CADM2: variants seen among roughly 807,000 people sequenced by gnomAD.
CADM2 encodes immunoglobulin superfamily member 4D.
CADM2 carries 12 observed loss-of-function variants against 49.8 expected under a neutral mutation model. The observed-to-expected ratio is 0.24, with a 90% CI of 0.15 to 0.39. The LOEUF (loss-of-function observed/expected upper bound fraction) is 0.39. Among genes scored for constraint, CADM2 ranks in the 10% least tolerant of loss-of-function variants. The probability of loss-of-function intolerance (pLI) is 1.00; values close to 1 mark genes in which losing one functional copy is unlikely to be tolerated. For missense variants in CADM2, 378 were observed against 492.3 expected (o/e 0.77, Z 2.20); for synonymous variants, 214 against 175.4 (o/e 1.22, Z -1.74).
chr3:85,131,124 AGCCAAGATCGTGCCATT>A (rs1479534274), intron 1 of CADM2, among the ~76,000 whole-genome samples: 1 of 152,170 alleles, frequency 6.6e-6, no homozygotes, highest in East Asian at 1.9e-4. Context: ...GGTAGCAGCG[AGCCAAGATCGTGCCATT>A]GCACTCCAGC....
intron 7 of CADM2, among the ~76,000 whole-genome samples, chr3:85,959,770 G>A (rs1370530115): frequency 6.6e-6 from 1 of 151,914 alleles, no homozygotes; most frequent in East Asian, 1.9e-4. Flanking sequence ...GCAGTAACAT[G>A]ATGTACAAGT....
intron 1 of CADM2, among the ~76,000 whole-genome samples, chr3:85,057,207 T>C (rs907841315): frequency 5.9e-5 from 9 of 152,088 alleles, no homozygotes; most frequent in African/African-American, 2.2e-4. Context: ...AAATACTTGG[T>C]AAAATCCAAA....
chr3:85,437,967 A>G (rs1323670640), intron 1 of CADM2, among the ~76,000 whole-genome samples: 1 of 152,062 alleles, frequency 6.6e-6, no homozygotes, highest in Non-Finnish European at 1.5e-5. Flanking sequence ...TTGTTACTTT[A>G]TTGTGCAAAG....
chr3:86,015,094 A>G (rs546197294), intron 8 of CADM2: 2 of 600,114 alleles, frequency 3.3e-6, no homozygotes, highest in Non-Finnish European at 5.9e-6. Context: ...CTTCCCACAG[A>G]TAATTCCAAA....
chr3:85,940,745 T>G (rs1424987491), intron 7 of CADM2, among the ~76,000 whole-genome samples: 1 of 152,118 alleles, frequency 6.6e-6, no homozygotes, highest in Non-Finnish European at 1.5e-5. Context: ...AGAAAGAGAA[T>G]GCAGACCTGG....
chr3:85,079,975 A>C (rs765532981), intron 1 of CADM2, among the ~76,000 whole-genome samples: 14 of 152,118 alleles, frequency 9.2e-5, no homozygotes, highest in Non-Finnish European at 1.8e-4. Context: ...GAAACCAAAA[A>C]ATGAAAAAGG....
intron 1 of CADM2, among the ~76,000 whole-genome samples, chr3:84,964,184 T>A (rs981218635): frequency 6.6e-6 from 1 of 152,196 alleles, no homozygotes; most frequent in Non-Finnish European, 1.5e-5. Flanking sequence ...TGAAAACTAT[T>A]TGTCACACAA....
intron 5 of CADM2, among the ~76,000 whole-genome samples, chr3:85,902,435 G>A (rs1716250789): frequency 6.6e-6 from 1 of 151,612 alleles, no homozygotes; most frequent in Non-Finnish European, 1.5e-5. Flanking sequence ...CCTGTAGAAA[G>A]CATATATTTT....
At chr3:85,935,898 C>A (rs1250110414) in intron 7 of CADM2, 41 bp downstream of exon 7, 9 of 1,226,236 alleles carry the variant, frequency 7.3e-6, no homozygotes, top group Non-Finnish European at 1.1e-5. Context: ...AACTTTTTTT[C>A]TTTTATCTTG....
intron 2 of CADM2, among the ~76,000 whole-genome samples, chr3:85,776,299 T>C (rs2070356788): frequency 6.6e-6 from 1 of 150,668 alleles, no homozygotes. Flanking sequence ...ATTAAAACAT[T>C]GTAAATCTTA....
intron 1 of CADM2, among the ~76,000 whole-genome samples, chr3:85,054,264 T>C (rs1576123833): frequency 6.6e-6 from 1 of 151,758 alleles, no homozygotes; most frequent in Admixed American, 6.6e-5. Context: ...GTGTGAGCGA[T>C]GGGAATTATT....
At chr3:85,779,822 T>C (rs2107988380) in intron 2 of CADM2, among the ~76,000 whole-genome samples, 1 of 152,302 alleles carries the variant, frequency 6.6e-6, no homozygotes, top group South Asian at 2.1e-4. Context: ...TATTATTCAA[T>C]GAAAAACTGA....
intron 1 of CADM2, among the ~76,000 whole-genome samples, chr3:85,296,608 C>T (rs181004753): frequency 1.0e-3 from 154 of 152,120 alleles, no homozygotes; most frequent in Middle Eastern, 3.4e-3. Flanking sequence ...CTTAGAGTCT[C>T]ACTCCTTAAT....
At chr3:85,540,602 G>T (rs2061516006) in intron 1 of CADM2, among the ~76,000 whole-genome samples, 1 of 152,080 alleles carries the variant, frequency 6.6e-6, no homozygotes, top group African/African-American at 2.4e-5. Context: ...CTGTACTCTA[G>T]TACAAACTCT....
Position 85,659,896 on chromosome 3 carries a change from G to A in CADM2, c.62-66626G>A, listed in dbSNP as rs138055015. On this transcript the variant is annotated intron_variant, in intron 1 of 9. Coordinates refer to ENST00000383699, the MANE Select transcript of CADM2 (RefSeq NM_001167675.2). ...CACAAGGTGTGCACCAAATCCAGCT[G>A]TGGATGTATTTAGCCAGCGCAAGAC... is the stretch of plus-strand genomic sequence containing the variant. 5.7e-3 allele frequency among the ~76,000 whole-genome samples: 866 copies of A among 152,246 alleles called. 5 individuals carry two copies. Among genetic ancestry groups the A allele is most frequent in the Non-Finnish European group, 9.6e-3 (653 of 67,998 alleles).
intron 2 of CADM2, among the ~76,000 whole-genome samples, chr3:85,776,608 T>C (rs1266554587): frequency 6.6e-6 from 1 of 152,082 alleles, no homozygotes; most frequent in Admixed American, 6.6e-5. Context: ...GTATTACTTA[T>C]CTTTATTTAT....
chr3:85,091,415 C>T (rs544745398), intron 1 of CADM2, among the ~76,000 whole-genome samples: 17 of 151,822 alleles, frequency 1.1e-4, no homozygotes, highest in African/African-American at 3.1e-4. Flanking sequence ...ATTAAACATA[C>T]GAAGTATAAT....
At chr3:85,539,337 A>G (rs1304110419) in intron 1 of CADM2, among the ~76,000 whole-genome samples, 1 of 152,116 alleles carries the variant, frequency 6.6e-6, no homozygotes, top group Non-Finnish European at 1.5e-5. Flanking sequence ...CTAAATTTAA[A>G]AAATGACTTC....
intron 1 of CADM2, among the ~76,000 whole-genome samples, chr3:85,287,696 A>G (rs1350177897): frequency 6.6e-6 from 1 of 152,114 alleles, no homozygotes; most frequent in Non-Finnish European, 1.5e-5. Flanking sequence ...AAAATATTTC[A>G]CTTTTAATGA....
Sources: gnomAD v4.1 joint callset for allele counts (sites outside exome capture counted in the v4.1 genomes callset) on GRCh38, gnomAD v4.1.1 for gene constraint, MANE v1.5 for transcripts, NCBI Gene and HGNC (gene_info 2026-07-23, HGNC 2026-07-21) for gene names.